Variants in SGCD observed in about 807,000 individuals in gnomAD.
The protein encoded by SGCD is sarcoglycan delta, also known as delta-sarcoglycan.
In SGCD, 18 loss-of-function variants were observed where a neutral mutation model predicts 36.6. That is an observed-to-expected ratio of 0.49 (90% CI 0.34 to 0.73). The LOEUF is 0.73. SGCD is among the 30% of genes least tolerant of loss of function. The pLI is 0.01. For missense variants in SGCD, 387 were observed against 346.7 expected, an observed-to-expected ratio of 1.12 and a Z score of -0.92; for synonymous variants, 133 against 130.6, an observed-to-expected ratio of 1.02 and a Z score of -0.12.
At chr5:156,078,899 C>T (rs1760872785) in intron 1 of SGCD, among the ~76,000 whole-genome samples, 1 of 150,896 alleles carries the variant, frequency 6.6e-6, no homozygotes, top group Admixed American at 6.6e-5. Context: ...TAGGTTCATG[C>T]ATCACCACCA....
chr5:155,930,757 C>T (rs1757083478), intron 1 of SGCD, among the ~76,000 whole-genome samples: 1 of 152,118 alleles, frequency 6.6e-6, no homozygotes, highest in African/African-American at 2.4e-5. Context: ...TGGTTCTTTC[C>T]AATTAAAATA....
intron 1 of SGCD, among the ~76,000 whole-genome samples, chr5:156,000,625 C>T (rs1222910294): frequency 1.3e-5 from 2 of 152,092 alleles, no homozygotes; most frequent in African/African-American, 4.8e-5. Flanking sequence ...TGCCTTTCCT[C>T]TTCCCTATCT....
At chr5:156,603,660 C>A (rs898811060) in intron 6 of SGCD, among the ~76,000 whole-genome samples, 7 of 151,742 alleles carry the variant, frequency 4.6e-5, no homozygotes, top group Non-Finnish European at 7.4e-5. Flanking sequence ...TTTTTAATTT[C>A]ATTGTTAACT....
intron 3 of SGCD, among the ~76,000 whole-genome samples, chr5:156,177,895 G>C (rs1763510605): frequency 6.6e-6 from 1 of 151,998 alleles, no homozygotes; most frequent in Non-Finnish European, 1.5e-5. Flanking sequence ...AAATCACTTG[G>C]CAGCATTAAG....
intron 1 of SGCD, among the ~76,000 whole-genome samples, chr5:156,068,270 C>T (rs1581074570): frequency 6.6e-6 from 1 of 151,816 alleles, no homozygotes; most frequent in Admixed American, 6.6e-5. Context: ...TATCCCTCCC[C>T]CCTTTCCCCA....
chr5:156,260,157 T>G lies in SGCD; in HGVS notation c.-43-69377T>G, dbSNP rs566162196. On this transcript the variant is annotated intron_variant, in intron 3 of 9. Coordinates refer to the SGCD transcript ENST00000517913. The stretch of plus-strand genomic sequence containing the variant: ...TCATGTGGTCTTGATTATTGTAGCC[T>G]TATAGAGAGCCTTTAAATAAAATAG... 5.3e-5 allele frequency among the ~76,000 whole-genome samples: 8 copies of G among 152,328 alleles called. No individual in the cohort carries two copies. The East Asian group carries it at 1.2e-3, about 22-fold the overall frequency.
chr5:156,235,681 A>G (rs909086774), intron 3 of SGCD, among the ~76,000 whole-genome samples: 6 of 152,226 alleles, frequency 3.9e-5, no homozygotes, highest in African/African-American at 1.2e-4. Context: ...CTGTAATTAC[A>G]TACTTTAGTC....
At chr5:156,312,306 C>A (rs1181063180) in intron 3 of SGCD, among the ~76,000 whole-genome samples, 1 of 152,192 alleles carries the variant, frequency 6.6e-6, no homozygotes, top group Non-Finnish European at 1.5e-5. Context: ...TTTTTCCCTT[C>A]TACCATACTG....
At chr5:155,898,775 C>A (rs543505832) in intron 1 of SGCD, among the ~76,000 whole-genome samples, 2 of 152,130 alleles carry the variant, frequency 1.3e-5, no homozygotes, top group African/African-American at 2.4e-5. Context: ...AGGTTGCTTT[C>A]GAAGAAGACA....
At chr5:155,856,658 C>T in the SGCD span, among the ~76,000 whole-genome samples, 13 of 151,644 alleles carry the variant, frequency 8.6e-5, no homozygotes, top group African/African-American at 2.7e-4. Context: ...AATAAGAAAA[C>T]AAAACACTTG....
intron 3 of SGCD, among the ~76,000 whole-genome samples, chr5:156,470,698 C>T (rs965906147): frequency 6.6e-6 from 1 of 152,090 alleles, no homozygotes; most frequent in Non-Finnish European, 1.5e-5. Flanking sequence ...CAAGTTTGTA[C>T]TGTAACAAAA....
At chr5:156,161,056 G>T (rs1350541187) in intron 3 of SGCD, among the ~76,000 whole-genome samples, 6 of 151,684 alleles carry the variant, frequency 4.0e-5, no homozygotes, top group African/African-American at 1.2e-4. Context: ...TACCCTTATA[G>T]CCTGCTTAGA....
At chr5:155,895,230 G>A (rs1051279002) in intron 1 of SGCD, among the ~76,000 whole-genome samples, 4 of 152,222 alleles carry the variant, frequency 2.6e-5, no homozygotes, top group South Asian at 2.1e-4. Context: ...AAGTAAGATT[G>A]ACACTTTGGG....
In SGCD at chr5:156,095,336, C is replaced by T. The variant is rs147251088; in HGVS notation, c.-281-22542C>T. 2.2e-3 allele frequency among the ~76,000 whole-genome samples: 330 copies of T among 152,178 alleles called. 2 individuals carry two copies. Among genetic ancestry groups the T allele is most frequent in the African/African-American group, 1.2e-3 (48 of 41,514 alleles). ...AGTACCTCAGTCTTATTCCAAGTCC[C>T]GGTCTATCTATTTTGATAGAGATAA... On this transcript the variant is annotated intron_variant, in intron 1 of 9. Transcript: ENST00000517913.
chr5:155,930,141 C>G (rs995840236), intron 1 of SGCD, among the ~76,000 whole-genome samples: 2 of 152,164 alleles, frequency 1.3e-5, no homozygotes, highest in Non-Finnish European at 2.9e-5. Context: ...AGTTAAAACA[C>G]TTCTTGAGTA....
At chr5:156,408,202 T>C (rs1772526283) in intron 3 of SGCD, among the ~76,000 whole-genome samples, 1 of 152,198 alleles carries the variant, frequency 6.6e-6, no homozygotes, top group African/African-American at 2.4e-5. Flanking sequence ...CTTGAAGCTT[T>C]AAGCATTTTA....
rs76449904 is a variant in SGCD, at chr5:155,883,761, T to C, written c.-282+13337T>C. Among the ~76,000 whole-genome samples, 115 of 129,814 alleles carry C rather than the reference T, an allele frequency of 8.9e-4. 2 individuals carry two copies. The East Asian group carries it at 0.025, about 28-fold the overall frequency. The allele number at this position is 129,814 out of a possible 152,430, so 85.2% of individuals were successfully genotyped here. A position where few individuals can be genotyped will look rare whatever the true frequency, so the allele number is the denominator to read the frequency against. The stretch of plus-strand genomic sequence containing the variant: ...GGAAAAATTGTGCCGATAGACTTGC[T>C]GGATGCAGGGTTACCACAAACCTTC... On this transcript the variant is annotated intron_variant, in intron 1 of 9. Coordinates refer to the SGCD transcript ENST00000517913.
intron 3 of SGCD, among the ~76,000 whole-genome samples, chr5:156,254,173 T>C (rs768432623): frequency 5.9e-5 from 9 of 152,208 alleles, no homozygotes; most frequent in Non-Finnish European, 1.2e-4. Context: ...TCATTCCTGA[T>C]TTTAAAGGAA....
chr5:156,667,996 G>A (rs987488731), intron 7 of SGCD, among the ~76,000 whole-genome samples: 4 of 152,148 alleles, frequency 2.6e-5, no homozygotes, highest in African/African-American at 4.8e-5. Flanking sequence ...CAGAGTTCAC[G>A]TAACCTTAGA....
Sources: allele counts gnomAD v4.1 joint callset (sites outside exome capture counted in the v4.1 genomes callset), GRCh38; gene constraint gnomAD v4.1.1; transcripts MANE v1.5; gene names NCBI Gene and HGNC (gene_info 2026-07-23, HGNC 2026-07-21).